The following CYP19A1 variants were observed in gnomAD, a reference collection of about 807,000 sequenced individuals.
CYP19A1 encodes the protein aromatase.
CYP19A1 carries 32 observed loss-of-function variants against 44.4 expected under a neutral mutation model. That is an observed-to-expected ratio of 0.72 (90% CI 0.54 to 0.97). The LOEUF is 0.97. CYP19A1 is among the 50% of genes least tolerant of loss of function. The probability of loss-of-function intolerance (pLI) is 0.00; values close to 1 mark genes in which losing one functional copy is unlikely to be tolerated. For synonymous variants in CYP19A1, 212 were observed against 215.6 expected (o/e 0.98, Z 0.14); for missense variants, 598 against 637.8 (o/e 0.94, Z 0.67).
rs952014992 is a variant in CYP19A1, at chr15:51,209,974, A to G, written c.*834T>C. ...AGCTAAGCAAAAATGGGAACATGCC[A>G]AAAGGATTTTTATTTGAATTTGAAG... On this transcript the variant is annotated 3_prime_UTR_variant, in exon 10 of 10. Coordinates refer to ENST00000396402, the MANE Select transcript of CYP19A1 (RefSeq NM_000103.4). The G allele has an allele frequency of 5.4e-6, 1 of 183,590 alleles. No individual in the cohort carries two copies. The highest frequency in any genetic ancestry group is 1.1e-5 in the Non-Finnish European group (1 of 88,372). 11.4% of individuals were successfully genotyped at this position (183,590 alleles called of 1,614,324 possible). A position where few individuals can be genotyped will look rare whatever the true frequency, so the allele number is the denominator to read the frequency against.
At chr15:51,268,883 T>C (rs1468195536) in intron 1 of CYP19A1, among the ~76,000 whole-genome samples, 1 of 152,198 alleles carries the variant, frequency 6.6e-6, no homozygotes, top group Non-Finnish European at 1.5e-5. Context: ...CCAAATCTTT[T>C]TTCCCATTTA....
chr15:51,313,986 T>C (rs1249418925), intron 1 of CYP19A1: 2 of 152,106 alleles, frequency 1.3e-5, no homozygotes, highest in African/African-American at 4.8e-5. Flanking sequence ...CAGGCTTTGC[T>C]GTCAGACAGA....
At chr15:51,219,539 C>T (rs547813417) in intron 5 of CYP19A1, among the ~76,000 whole-genome samples, 9 of 152,280 alleles carry the variant, frequency 5.9e-5, no homozygotes, top group African/African-American at 2.2e-4. Context: ...CGGAAGCTTG[C>T]CCAAAACCAT....
chr15:51,285,508 G>A (rs2035666397), intron 1 of CYP19A1, among the ~76,000 whole-genome samples: 1 of 152,176 alleles, frequency 6.6e-6, no homozygotes, highest in Non-Finnish European at 1.5e-5. Flanking sequence ...CTGAGTGTTG[G>A]GAAAAAAGCT....
intron 5 of CYP19A1, 149 bp from the exon 6 acceptor site, chr15:51,218,804 A>C: frequency 1.4e-6 from 2 of 1,441,148 alleles, no homozygotes; most frequent in South Asian, 1.3e-5. Flanking sequence ...CTTCAGTAGG[A>C]GTTTTAGCCA....
rs570675031 is a variant in CYP19A1 at position 51,310,609 on chromosome 15, G to C, written c.-39+27886C>G. ...GAGAAAACCTGTCCCTTTGGGTACA[G>C]AAATTCAGAAAAGGGGTCCCTGTTA... On this transcript the variant is annotated intron_variant, in intron 1 of 9. Transcript: ENST00000396402. Among the ~76,000 whole-genome samples, 20 of 152,326 alleles carry C rather than the reference G, an allele frequency of 1.3e-4. No individual in the cohort carries two copies. The South Asian group carries it at 3.1e-3, about 24-fold the overall frequency.
intron 1 of CYP19A1, among the ~76,000 whole-genome samples, chr15:51,280,184 C>T (rs1047286607): frequency 1.4e-5 from 2 of 145,464 alleles, no homozygotes; most frequent in South Asian, 2.2e-4. Context: ...TGCAGTGGCA[C>T]GATCTCGGCT....
At chr15:51,329,939 T>A (rs1046712170) in intron 1 of CYP19A1, among the ~76,000 whole-genome samples, 1 of 152,122 alleles carries the variant, frequency 6.6e-6, no homozygotes, top group African/African-American at 2.4e-5. Context: ...GAGCACACAG[T>A]CGGAGCAGCT....
In CYP19A1 at chr15:51,215,677, G is replaced by A. The variant is rs17601241; in HGVS notation, c.858+26C>T. ...CACAGTCATAACATATGTGGCATGG[G>A]AATTACAGTTAGTTCAGGTCAGTAC... On this transcript the variant is annotated intron_variant, in intron 7 of 9. Coordinates refer to ENST00000396402, the MANE Select transcript of CYP19A1 (RefSeq NM_000103.4). The A allele has an allele frequency of 0.093, 149,895 of 1,613,754 alleles. 8,049 individuals carry two copies. The highest frequency in any genetic ancestry group is 0.2 in the Admixed American group (12,138 of 60,004).
intron 1 of CYP19A1, among the ~76,000 whole-genome samples, chr15:51,263,780 A>G (rs1595734856): frequency 3.3e-5 from 5 of 152,194 alleles, no homozygotes; most frequent in African/African-American, 1.2e-4. Flanking sequence ...AAGCATTCCA[A>G]CTCTGAGAGG....
At chr15:51,256,477 GT>G (rs2034519632) in intron 1 of CYP19A1, among the ~76,000 whole-genome samples, 1 of 152,216 alleles carries the variant, frequency 6.6e-6, no homozygotes, top group Non-Finnish European at 1.5e-5. Context: ...CCCCATGAGT[GT>G]AGCAGGGGAG....
At chr15:51,311,068 A>G (rs921326069) in intron 1 of CYP19A1, among the ~76,000 whole-genome samples, 1 of 152,238 alleles carries the variant, frequency 6.6e-6, no homozygotes, top group African/African-American at 2.4e-5. Flanking sequence ...ATAGTATACT[A>G]TATGAAATGT....
chr15:51,281,444 C>T (rs955168340), intron 1 of CYP19A1, among the ~76,000 whole-genome samples: 2 of 152,214 alleles, frequency 1.3e-5, no homozygotes, highest in Non-Finnish European at 2.9e-5. Context: ...CAGAAACCTA[C>T]CCTGAGGAGC....
At chr15:51,318,271 A>G (rs146610032) in intron 1 of CYP19A1, among the ~76,000 whole-genome samples, 3,844 of 152,312 alleles carry the variant, frequency 0.025, 70 homozygotes, top group Non-Finnish European at 0.036. Context: ...TAAGAAATGA[A>G]GCCACTTAAT....
At chr15:51,310,008 G>C (rs1322003422) in intron 1 of CYP19A1, among the ~76,000 whole-genome samples, 3 of 152,156 alleles carry the variant, frequency 2.0e-5, no homozygotes, top group Non-Finnish European at 4.4e-5. Context: ...TGGAGCCATA[G>C]ACTCCTGGGA....
At chr15:51,277,446 C>T (rs144307414) in intron 1 of CYP19A1, 58 of 152,204 alleles carry the variant, frequency 3.8e-4, no homozygotes, top group African/African-American at 1.2e-3. Context: ...AGTTTTGGAA[C>T]GAATCTTTTC....
At chr15:51,277,516 C>T (rs1307177479) in intron 1 of CYP19A1, 2 of 152,214 alleles carry the variant, frequency 1.3e-5, no homozygotes, top group African/African-American at 4.8e-5. Context: ...AAAAGACTAT[C>T]ACTTTCTACT....
chr15:51,245,014 A>G (rs984428208), intron 1 of CYP19A1, among the ~76,000 whole-genome samples: 1 of 152,156 alleles, frequency 6.6e-6, no homozygotes, highest in African/African-American at 2.4e-5. Flanking sequence ...GTCCTAAAAT[A>G]TTTTACTATT....
intron 1 of CYP19A1, among the ~76,000 whole-genome samples, chr15:51,252,326 C>A (rs2141144657): frequency 6.6e-6 from 1 of 152,290 alleles, no homozygotes; most frequent in South Asian, 2.1e-4. Flanking sequence ...ATCCAAAGAC[C>A]TCAAATGAAC....
Sources: gnomAD v4.1 joint callset for allele counts (sites outside exome capture counted in the v4.1 genomes callset) on GRCh38, gnomAD v4.1.1 for gene constraint, MANE v1.5 for transcripts, NCBI Gene and HGNC (gene_info 2026-07-23, HGNC 2026-07-21) for gene names.